The following SSBP2 variants were observed in gnomAD, a reference collection of about 807,000 sequenced individuals.
SSBP2 encodes single stranded DNA binding protein 2, also known as single-stranded DNA-binding protein 2.
SSBP2 carries 17 observed loss-of-function variants against 61.8 expected under a neutral mutation model. That is an observed-to-expected ratio of 0.28 (90% CI 0.19 to 0.41). SSBP2 has a LOEUF of 0.41. Among genes scored for constraint, SSBP2 ranks in the 10% least tolerant of loss-of-function variants. The pLI is 1.00. For missense variants in SSBP2, 310 were observed against 458.7 expected, an observed-to-expected ratio of 0.68 and a Z score of 2.96; for synonymous variants, 139 against 141.3, an observed-to-expected ratio of 0.98 and a Z score of 0.12.
chr5:81,467,114 G>C, intron 8 of SSBP2, 49 bp from the exon 9 acceptor site: 13 of 1,233,466 alleles, frequency 1.1e-5, no homozygotes, highest in Non-Finnish European at 1.5e-5. Flanking sequence ...GGAAAGAAAG[G>C]AGAGCACGTT....
At chr5:81,747,607 C>T (rs1485091003) in intron 1 of SSBP2, among the ~76,000 whole-genome samples, 1 of 151,756 alleles carries the variant, frequency 6.6e-6, no homozygotes, top group African/African-American at 2.4e-5. Flanking sequence ...TTTTGGAGGT[C>T]ACTGAAAAAA....
Position 81,416,668 on chromosome 5 carries a change from C to T in SSBP2, c.*3836G>A, listed in dbSNP as rs1480580777. On this transcript the variant is annotated 3_prime_UTR_variant, in exon 17 of 17. Coordinates refer to ENST00000320672, the MANE Select transcript of SSBP2 (RefSeq NM_012446.5). ...GCCCCAAACTGAACTTACTTATTTT[C>T]ATTTGTTGTCTTTTAAACCACAGAA... 1 of 152,134 alleles carries T rather than the reference C, an allele frequency of 6.6e-6. No individual in the cohort carries two copies. The highest frequency in any genetic ancestry group is 2.4e-5 in the African/African-American group (1 of 41,434). 9.4% of individuals were successfully genotyped at this position (152,134 alleles called of 1,614,324 possible). A position where few individuals can be genotyped will look rare whatever the true frequency, so the allele number is the denominator to read the frequency against.
At chr5:81,433,931 T>C (rs892343004) in intron 15 of SSBP2, among the ~76,000 whole-genome samples, 3 of 152,188 alleles carry the variant, frequency 2.0e-5, no homozygotes, top group African/African-American at 7.2e-5. Context: ...CCACAAAAGA[T>C]TGTATAGCTA....
rs1045620003 is a variant in SSBP2 at position 81,515,879 on chromosome 5, T to C, written c.283-2162A>G. On this transcript the variant is annotated intron_variant, in intron 4 of 16. Transcript: ENST00000320672. ...CTTTAAAATGGCTTCTGAATTTTCATCTTATGCTTTAAATTTATTTAATAA... is the reference window on the plus strand; with the variant it reads ...CTTTAAAATGGCTTCTGAATTTTCACCTTATGCTTTAAATTTATTTAATAA... Among the ~76,000 whole-genome samples, 10 of 152,000 alleles carry C rather than the reference T, an allele frequency of 6.6e-5. No homozygotes were observed. In the East Asian group the frequency reaches 1.7e-3, roughly 26 times the overall value.
chr5:81,708,463 AT>A (rs1561714455), intron 1 of SSBP2, among the ~76,000 whole-genome samples: 2 of 152,098 alleles, frequency 1.3e-5, no homozygotes, highest in African/African-American at 2.4e-5. Context: ...AAGTTGTTCA[AT>A]TTTCCTTATT....
chr5:81,492,988 G>A (rs1766972435), intron 5 of SSBP2, among the ~76,000 whole-genome samples: 1 of 152,000 alleles, frequency 6.6e-6, no homozygotes, highest in Non-Finnish European at 1.5e-5. Context: ...AAAGGCATAT[G>A]TTCCTAAGGC....
chr5:81,628,943 T>C (rs920857506), intron 3 of SSBP2, among the ~76,000 whole-genome samples: 1 of 152,116 alleles, frequency 6.6e-6, no homozygotes, highest in Non-Finnish European at 1.5e-5. Flanking sequence ...CACCAACTTT[T>C]CCCCCGAGTC....
chr5:81,580,747 A>G (rs994806867), intron 4 of SSBP2, among the ~76,000 whole-genome samples: 2 of 75,410 alleles, frequency 2.7e-5, no homozygotes, highest in Non-Finnish European at 5.2e-5. Context: ...ATTTCAGTGT[A>G]GGTAAAAAAA....
At chr5:81,750,060 G>A (rs1231685152) in intron 1 of SSBP2, among the ~76,000 whole-genome samples, 2 of 146,734 alleles carry the variant, frequency 1.4e-5, no homozygotes, top group South Asian at 4.3e-4. Context: ...CCCGCCGCTC[G>A]GGGGCTGCCA....
intron 1 of SSBP2, among the ~76,000 whole-genome samples, chr5:81,672,572 TC>T (rs894814156): frequency 2.6e-5 from 4 of 151,286 alleles, no homozygotes; most frequent in African/African-American, 7.3e-5. Flanking sequence ...AGATACTTTT[TC>T]TTTTTTTTTT....
intron 1 of SSBP2, among the ~76,000 whole-genome samples, chr5:81,718,555 C>A (rs1041878925): frequency 6.6e-6 from 1 of 152,070 alleles, no homozygotes; most frequent in African/African-American, 2.4e-5. Context: ...TTCAAAGGAA[C>A]GTGACTGAAA....
intron 4 of SSBP2, among the ~76,000 whole-genome samples, chr5:81,529,913 A>C (rs1770265020): frequency 6.6e-6 from 1 of 152,090 alleles, no homozygotes. Context: ...GATGATAGTG[A>C]TATTTCTCTG....
In SSBP2 at chr5:81,578,311, C is replaced by G. The variant is rs529718019; in HGVS notation, c.282+37162G>C. On this transcript the variant is annotated intron_variant, in intron 4 of 16. Transcript: ENST00000320672. ...ACACTGACAGCACTTCTATAAAGTACCCTCTTCTCCTTGTTCCTTCTTGCC... is the reference window on the plus strand; with the variant it reads ...ACACTGACAGCACTTCTATAAAGTAGCCTCTTCTCCTTGTTCCTTCTTGCC... Among the ~76,000 whole-genome samples, 3 of 152,008 alleles carry G rather than the reference C, an allele frequency of 2.0e-5. No homozygotes were observed. The South Asian group carries it at 6.2e-4, about 32-fold the overall frequency.
chr5:81,681,065 A>G (rs1752343817), intron 1 of SSBP2, among the ~76,000 whole-genome samples: 1 of 152,228 alleles, frequency 6.6e-6, no homozygotes, highest in African/African-American at 2.4e-5. Flanking sequence ...GAAATCATAT[A>G]GTATCTGCTC....
chr5:81,638,100 T>C (rs1459592317), intron 2 of SSBP2, among the ~76,000 whole-genome samples: 4 of 90,756 alleles, frequency 4.4e-5, no homozygotes, highest in Non-Finnish European at 8.4e-5. Flanking sequence ...CTGGGGACTG[T>C]TGTGGGGTGG....
chr5:81,654,702 G>C (rs1417905920), intron 1 of SSBP2, among the ~76,000 whole-genome samples: 1 of 152,146 alleles, frequency 6.6e-6, no homozygotes, highest in Non-Finnish European at 1.5e-5. Context: ...AAGTTCTGGG[G>C]GAACAGCCCG....
At chr5:81,688,870 A>G (rs1447816213) in intron 1 of SSBP2, among the ~76,000 whole-genome samples, 1 of 152,148 alleles carries the variant, frequency 6.6e-6, no homozygotes, top group Admixed American at 6.6e-5. Context: ...CTCAATAAAC[A>G]AACTAAATAA....
intron 1 of SSBP2, among the ~76,000 whole-genome samples, chr5:81,732,927 GA>G (rs1383232514): frequency 1.3e-5 from 2 of 152,126 alleles, no homozygotes; most frequent in Non-Finnish European, 2.9e-5. Flanking sequence ...CAGACAATTA[GA>G]AAACAGTACA....
intron 15 of SSBP2, among the ~76,000 whole-genome samples, chr5:81,431,484 T>C (rs1762283234): frequency 6.6e-6 from 1 of 152,140 alleles, no homozygotes; most frequent in South Asian, 2.1e-4. Flanking sequence ...CACACATATA[T>C]GCACACACAC....
Sources: gnomAD v4.1 joint callset for allele counts (sites outside exome capture counted in the v4.1 genomes callset) on GRCh38, gnomAD v4.1.1 for gene constraint, MANE v1.5 for transcripts, NCBI Gene and HGNC (gene_info 2026-07-23, HGNC 2026-07-21) for gene names.